The following IFTAP variants were observed in gnomAD, a reference collection of about 807,000 sequenced individuals.
The protein encoded by IFTAP is intraflagellar transport-associated protein.
IFTAP carries 19 observed loss-of-function variants against 19.4 expected under a neutral mutation model. The observed-to-expected ratio is 0.98, with a 90% CI of 0.68 to 1.44. IFTAP has a LOEUF of 1.44. Among genes scored for constraint, IFTAP ranks in the 40% most tolerant of loss-of-function variants. The pLI, the probability that IFTAP is intolerant of heterozygous loss-of-function variation, is 0.00. For synonymous variants in IFTAP, 85 were observed against 83.5 expected (o/e 1.02, Z -0.10); for missense variants, 240 against 253.6 (o/e 0.95, Z 0.36).
At chr11:36,619,812 T>C (rs1852228763) in intron 2 of IFTAP, among the ~76,000 whole-genome samples, 1 of 152,002 alleles carries the variant, frequency 6.6e-6, no homozygotes, top group Admixed American at 6.6e-5. Flanking sequence ...CCATTTGCAG[T>C]GCCTTTCTGT....
intron 2 of IFTAP, among the ~76,000 whole-genome samples, chr11:36,630,474 T>C (rs1852686467): frequency 6.6e-6 from 1 of 151,410 alleles, no homozygotes; most frequent in Admixed American, 6.6e-5. Flanking sequence ...AAAGAGTGGA[T>C]GAGAATTTTT....
intron 3 of IFTAP, among the ~76,000 whole-genome samples, chr11:36,634,420 G>C (rs147406592): frequency 6.6e-6 from 1 of 152,254 alleles, no homozygotes; most frequent in Non-Finnish European, 1.5e-5. Flanking sequence ...CTACAGGACA[G>C]AAGTAGAATC....
intron 1 of IFTAP, among the ~76,000 whole-genome samples, chr11:36,603,903 CAA>C (rs912056507): frequency 1.9e-4 from 28 of 146,900 alleles, no homozygotes; most frequent in Admixed American, 1.3e-3. Flanking sequence ...GCCTGGGTGA[CAA>C]GAGCAAAACT....
intron 1 of IFTAP, among the ~76,000 whole-genome samples, chr11:36,596,902 A>G (rs1326792365): frequency 6.6e-6 from 1 of 152,202 alleles, no homozygotes; most frequent in Non-Finnish European, 1.5e-5. Context: ...CTTGGGCAAG[A>G]CATAAGGAGG....
At chr11:36,645,760 G>T (rs1334320934) in intron 4 of IFTAP, among the ~76,000 whole-genome samples, 3 of 151,896 alleles carry the variant, frequency 2.0e-5, no homozygotes, top group Non-Finnish European at 4.4e-5. Context: ...ATTATTCTTT[G>T]ATTGATTTTA....
At position 36,659,208 on chromosome 11, in the gene IFTAP, T is replaced by G; in HGVS notation, c.*22T>G. The stretch of plus-strand genomic sequence containing the variant: ...CTGATTCACAGAGGCATTTTGTGTG[T>G]GTGTGCTTATTTTAATTTTGTTCTT... On this transcript the variant is annotated 3_prime_UTR_variant, in exon 6 of 6. Transcript: ENST00000334307. 6.5e-7 allele frequency: 1 copy of G among 1,528,348 alleles called. No individual in the cohort carries two copies. The highest frequency in any genetic ancestry group is 8.8e-7 in the Non-Finnish European group (1 of 1,141,106). 94.7% of individuals were successfully genotyped at this position (1,528,348 alleles called of 1,614,324 possible).
intron 2 of IFTAP, among the ~76,000 whole-genome samples, chr11:36,625,212 A>G (rs537939000): frequency 1.3e-5 from 2 of 152,270 alleles, no homozygotes; most frequent in South Asian, 4.1e-4. Flanking sequence ...CTTCTACTTC[A>G]TTAAGTTGTT....
At chr11:36,651,043 T>C (rs1158605215) in intron 5 of IFTAP, among the ~76,000 whole-genome samples, 3 of 152,204 alleles carry the variant, frequency 2.0e-5, no homozygotes, top group Non-Finnish European at 2.9e-5. Flanking sequence ...TATAGCAGCA[T>C]GATTTATAAT....
chr11:36,623,792 C>T (rs920378455), intron 2 of IFTAP, among the ~76,000 whole-genome samples: 4 of 152,108 alleles, frequency 2.6e-5, no homozygotes, highest in Non-Finnish European at 4.4e-5. Flanking sequence ...CCAATCATTT[C>T]GCTGTTTCTG....
intron 5 of IFTAP, among the ~76,000 whole-genome samples, chr11:36,651,204 C>T (rs1323506976): frequency 1.3e-5 from 2 of 152,170 alleles, no homozygotes; most frequent in Admixed American, 1.3e-4. Flanking sequence ...TCTCCACATC[C>T]TCTCCAGCAT....
At chr11:36,612,156 C>T (rs573803890) in intron 2 of IFTAP, among the ~76,000 whole-genome samples, 2 of 152,108 alleles carry the variant, frequency 1.3e-5, no homozygotes, top group Non-Finnish European at 2.9e-5. Context: ...ATGATCATTG[C>T]ATGCTGAGAA....
rs1293263106 is a variant in IFTAP, at chr11:36,632,822, TTAGA to T, written c.137-458_137-455del. ...GAAGTGCATGGATACGTAAAAAATA[TTAGA>T]TAGCCACTGAAAAAACTTTGTTGTG... On this transcript the variant is annotated intron_variant, in intron 2 of 5. Coordinates refer to ENST00000334307, the MANE Select transcript of IFTAP (RefSeq NM_138787.4). Among the ~76,000 whole-genome samples the T allele has an allele frequency of 5.9e-5, 9 of 151,294 alleles. No homozygotes were observed. The South Asian group carries it at 1.4e-3, about 24-fold the overall frequency.
At chr11:36,640,714 G>A (rs963259819) in intron 4 of IFTAP, among the ~76,000 whole-genome samples, 2 of 152,158 alleles carry the variant, frequency 1.3e-5, no homozygotes, top group Non-Finnish European at 2.9e-5. Context: ...CTAGTACTGT[G>A]AGCTTGACAG....
intron 2 of IFTAP, among the ~76,000 whole-genome samples, chr11:36,622,291 A>T (rs1370974452): frequency 6.6e-6 from 1 of 152,062 alleles, no homozygotes; most frequent in Non-Finnish European, 1.5e-5. Context: ...TTTACTTTTT[A>T]AAAAAGAGGG....
intron 1 of IFTAP, among the ~76,000 whole-genome samples, chr11:36,598,897 A>G (rs1290065600): frequency 5.9e-5 from 9 of 152,242 alleles, no homozygotes; most frequent in Non-Finnish European, 8.8e-5. Context: ...AGTTGTCGGG[A>G]AAAGATTAAA....
intron 2 of IFTAP, 117 bp from the exon 3 acceptor site, chr11:36,633,167 T>A: frequency 1.0e-6 from 1 of 973,962 alleles, no homozygotes; most frequent in Non-Finnish European, 1.4e-6. Context: ...GGGTTCGGTT[T>A]GTAGAGTTCT....
chr11:36,617,063 T>G (rs1448018581), intron 2 of IFTAP, among the ~76,000 whole-genome samples: 1 of 151,414 alleles, frequency 6.6e-6, no homozygotes, highest in Non-Finnish European at 1.5e-5. Flanking sequence ...TTTTGGAGAC[T>G]TGTATAAAAA....
intron 3 of IFTAP, among the ~76,000 whole-genome samples, chr11:36,635,009 A>G (rs745373540): frequency 6.6e-6 from 1 of 152,276 alleles, no homozygotes; most frequent in Non-Finnish European, 1.5e-5. Context: ...TAGTGAAACC[A>G]TTATGTGGAA....
chr11:36,622,898 A>T (rs912798056), intron 2 of IFTAP, among the ~76,000 whole-genome samples: 4 of 152,162 alleles, frequency 2.6e-5, no homozygotes, highest in African/African-American at 9.7e-5. Flanking sequence ...TATTGTGTAC[A>T]TGTACGTGGT....
Sources: gnomAD v4.1 joint callset for allele counts (sites outside exome capture counted in the v4.1 genomes callset) on GRCh38, gnomAD v4.1.1 for gene constraint, MANE v1.5 for transcripts, NCBI Gene and HGNC (gene_info 2026-07-23, HGNC 2026-07-21) for gene names.